Variants in CFAP47 observed in about 807,000 individuals in gnomAD.
CFAP47 encodes cilia and flagella associated protein 47.
Under a neutral mutation model 148.1 loss-of-function variants are expected in CFAP47, and 29 were observed. The observed-to-expected ratio is 0.20, with a 90% CI of 0.15 to 0.27. The LOEUF (loss-of-function observed/expected upper bound fraction) is 0.27. CFAP47 is among the 10% of genes least tolerant of loss of function. CFAP47 has a pLI of 1.00. For missense variants in CFAP47, 1,872 were observed against 1,697.5 expected (o/e 1.10, Z -1.81); for synonymous variants, 664 against 577.3 (o/e 1.15, Z -2.15).
chrX:36,216,156 A>G (rs1024831259), intron 45 of CFAP47, among the ~76,000 whole-genome samples: 2 of 112,281 alleles, frequency 1.8e-5, no homozygotes, highest in African/African-American at 6.5e-5. Context: ...CGTTTTATTC[A>G]TCCGTCATTT....
intron 49 of CFAP47, among the ~76,000 whole-genome samples, chrX:36,276,574 G>A (rs1403400643): frequency 9.0e-6 from 1 of 111,575 alleles, no homozygotes; most frequent in Non-Finnish European, 1.9e-5. Context: ...TAAGTAGCAT[G>A]ACAATCTTCT....
chrX:36,173,833 G>T (rs1055835001), intron 39 of CFAP47, among the ~76,000 whole-genome samples: 3 of 111,710 alleles, frequency 2.7e-5, no homozygotes, highest in Non-Finnish European at 5.6e-5. Flanking sequence ...GTGCAGAGCT[G>T]AGCTCAATTC....
rs1263789031 is a variant in CFAP47 at position 36,053,693 on chromosome X, AG to A, written c.4217+6632del. 6.2e-5 allele frequency among the ~76,000 whole-genome samples: 7 copies of A among 112,257 alleles called. No homozygotes were observed. In the Admixed American group the frequency reaches 6.6e-4, roughly 11 times the overall value. ...TCAAACAAACCATAGTCTCTATACAAGGTAGAATGTTTCATTTATATTTAAC... is the reference window on the plus strand; with the variant it reads ...TCAAACAAACCATAGTCTCTATACAAGTAGAATGTTTCATTTATATTTAAC... On this transcript the variant is annotated intron_variant, in intron 26 of 63. Transcript: ENST00000378653.
intron 33 of CFAP47, among the ~76,000 whole-genome samples, chrX:36,109,708 T>G (rs899293404): frequency 9.0e-6 from 1 of 111,423 alleles, no homozygotes; most frequent in Admixed American, 9.5e-5. Context: ...TCTCCTGACC[T>G]CGTGATCCAC....
intron 32 of CFAP47, among the ~76,000 whole-genome samples, chrX:36,101,668 TA>T (rs1451839613): frequency 1.8e-5 from 2 of 111,569 alleles, no homozygotes; most frequent in Admixed American, 9.5e-5. Flanking sequence ...AAATAAGTGT[TA>T]AACCATCAGG....
chrX:36,371,759 T>TGTGTGTATATATGTGTGTATATACACAC (rs1556021651), intron 62 of CFAP47, among the ~76,000 whole-genome samples: 4 of 53,557 alleles, frequency 7.5e-5, no homozygotes, highest in Non-Finnish European at 1.2e-4. Flanking sequence ...TATACACACA[T>TGTGTGTATATATGTGTGTATATACACAC]GTGTGTATAT....
At chrX:36,296,783 C>T (rs190957418) in intron 51 of CFAP47, among the ~76,000 whole-genome samples, 2 of 111,448 alleles carry the variant, frequency 1.8e-5, no homozygotes, top group African/African-American at 6.5e-5. Flanking sequence ...TCTCTAGGCT[C>T]ATATTGGGTT....
chrX:35,929,490 G>T (rs1384699699), intron 2 of CFAP47, among the ~76,000 whole-genome samples: 2 of 111,490 alleles, frequency 1.8e-5, no homozygotes, highest in African/African-American at 6.5e-5. Context: ...ATTGATTTTT[G>T]TTTGTTGACA....
chrX:36,048,153 A>G (rs919168440), intron 26 of CFAP47, among the ~76,000 whole-genome samples: 17 of 112,005 alleles, frequency 1.5e-4, no homozygotes, highest in African/African-American at 5.5e-4. Flanking sequence ...TCTCATTGAG[A>G]TAAATGAGGT....
In CFAP47 at chrX:36,039,082, G is replaced by C. The variant is rs753161089; in HGVS notation, c.3910G>C (p.Glu1304Gln). 2.1e-4 allele frequency: 237 copies of C among 1,110,199 alleles called. No individual in the cohort carries two copies. In the African/African-American group the frequency reaches 3.8e-3, roughly 18 times the overall value. 91.5% of individuals were successfully genotyped at this position (1,110,199 alleles called of 1,213,427 possible). ...LHLTGEVKSP[E>Q]LLFDPPFIFF... Reference sequence around the variant, plus strand: ...TCTTACTGGGGAAGTAAAATCACCAGAGTTATTGTTTGACCCTCCATTTAT... The same window carrying C: ...TCTTACTGGGGAAGTAAAATCACCACAGTTATTGTTTGACCCTCCATTTAT... Residue 1304 changes from glutamate (E) to glutamine (Q), a missense_variant, in exon 25 of 64, where the codon GAG (glutamate) becomes CAG (glutamine). Coordinates refer to ENST00000378653, the MANE Select transcript of CFAP47 (RefSeq NM_001304548.2).
intron 57 of CFAP47, among the ~76,000 whole-genome samples, chrX:36,333,159 T>C (rs1390376145): frequency 9.0e-6 from 1 of 111,432 alleles, no homozygotes; most frequent in Non-Finnish European, 1.9e-5. Context: ...GAATACTAGT[T>C]CTTTTGGGTC....
At chrX:36,215,597 G>C (rs868951972) in intron 45 of CFAP47, among the ~76,000 whole-genome samples, 1 of 111,517 alleles carries the variant, frequency 9.0e-6, no homozygotes, top group Non-Finnish European at 1.9e-5. Context: ...TAAAAAAATT[G>C]GAGGAGGCAC....
At chrX:36,330,420 G>A (rs1305621359) in intron 57 of CFAP47, among the ~76,000 whole-genome samples, 1 of 111,984 alleles carries the variant, frequency 8.9e-6, no homozygotes, top group Non-Finnish European at 1.9e-5. Context: ...ATTGTAGTTA[G>A]AAGATGCACA....
chrX:35,983,613 T>C (rs146704812), intron 15 of CFAP47, among the ~76,000 whole-genome samples: 1,706 of 111,550 alleles, frequency 0.015, 38 homozygotes, highest in African/African-American at 0.053. Context: ...ATTATTTTGA[T>C]CTTATTATTT....
At chrX:36,243,486 A>G (rs1555996433) in intron 48 of CFAP47, among the ~76,000 whole-genome samples, 1 of 108,788 alleles carries the variant, frequency 9.2e-6, no homozygotes, top group East Asian at 2.9e-4. Context: ...AGGATGGAAA[A>G]GGATTTACAT....
chrX:36,250,586 CTA>C (rs1246449768), intron 48 of CFAP47, among the ~76,000 whole-genome samples: 7 of 110,047 alleles, frequency 6.4e-5, no homozygotes, highest in Admixed American at 9.7e-5. Flanking sequence ...AAAATGATAA[CTA>C]TGTGAGATAA....
intron 25 of CFAP47, among the ~76,000 whole-genome samples, chrX:36,042,981 A>T (rs778805899): frequency 8.9e-6 from 1 of 111,767 alleles, no homozygotes; most frequent in African/African-American, 3.2e-5. Flanking sequence ...GCCTTAAAAA[A>T]GTTTCATAGA....
chrX:36,188,792 G>C (rs782123798), intron 41 of CFAP47, 102 bp downstream of exon 41: 4 of 283,373 alleles, frequency 1.4e-5, no homozygotes, highest in Non-Finnish European at 2.5e-5. Context: ...TACAAGAATA[G>C]ACAGAGTAGT....
In CFAP47 at chrX:35,962,024, T is replaced by G. The variant is rs981850860; in HGVS notation, c.1411-4541T>G. The stretch of plus-strand genomic sequence containing the variant: ...GTTTTGGTATGTTGTGTTTTAGTTT[T>G]TCTTCATCCCAAAATAATGTTGAAT... On this transcript the variant is annotated intron_variant, in intron 8 of 63. Coordinates refer to ENST00000378653, the MANE Select transcript of CFAP47 (RefSeq NM_001304548.2). Among the ~76,000 whole-genome samples the G allele has an allele frequency of 2.7e-5, 3 of 111,767 alleles. No individual in the cohort carries two copies. In the East Asian group the frequency reaches 8.4e-4, roughly 31 times the overall value.
Sources: allele counts gnomAD v4.1 joint callset (sites outside exome capture counted in the v4.1 genomes callset), GRCh38; gene constraint gnomAD v4.1.1; transcripts MANE v1.5; gene names NCBI Gene and HGNC (gene_info 2026-07-23, HGNC 2026-07-21).